DMD: variants seen among roughly 807,000 people sequenced by gnomAD.
DMD encodes dystrophin.
DMD carries 63 observed loss-of-function variants against 330.1 expected under a neutral mutation model. That is an observed-to-expected ratio of 0.19 (90% CI 0.16 to 0.24). DMD has a LOEUF of 0.24. DMD is among the 10% of genes least tolerant of loss of function. The pLI is 1.00. For missense variants in DMD, 3,344 were observed against 2,684.1 expected, an observed-to-expected ratio of 1.25 and a Z score of -5.43; for synonymous variants, 1,223 against 959.8, an observed-to-expected ratio of 1.27 and a Z score of -5.07.
chrX:32,064,760 C>A (rs769952625), intron 44 of DMD, among the ~76,000 whole-genome samples: 2 of 111,242 alleles, frequency 1.8e-5, no homozygotes, highest in South Asian at 7.4e-4. Flanking sequence ...AGTTTTCTAC[C>A]CAAATTTTCC....
intron 47 of DMD, among the ~76,000 whole-genome samples, chrX:31,928,098 G>A (rs2094804209): frequency 8.9e-6 from 1 of 112,027 alleles, no homozygotes; most frequent in African/African-American, 3.2e-5. Context: ...ATGAAGTTCT[G>A]ACACATGCTA....
At chrX:32,695,591 G>A (rs1369474653) in intron 9 of DMD, among the ~76,000 whole-genome samples, 1 of 111,063 alleles carries the variant, frequency 9.0e-6, no homozygotes, top group African/African-American at 3.3e-5. Flanking sequence ...TTCACTTGGA[G>A]ACATACTAGG....
At chrX:33,281,081 A>G (rs2053323160) in intron 1 of DMD, among the ~76,000 whole-genome samples, 2 of 112,024 alleles carry the variant, frequency 1.8e-5, no homozygotes. Flanking sequence ...ATGTATCTCC[A>G]TATATTTAGG....
intron 25 of DMD, among the ~76,000 whole-genome samples, chrX:32,458,973 C>G (rs2148386149): frequency 9.0e-6 from 1 of 110,697 alleles, no homozygotes; most frequent in African/African-American, 3.3e-5. Context: ...ACTCACAGAA[C>G]TAGAGAGTAG....
intron 17 of DMD, among the ~76,000 whole-genome samples, chrX:32,537,980 C>T (rs934998517): frequency 8.9e-6 from 1 of 112,446 alleles, no homozygotes; most frequent in African/African-American, 3.2e-5. Context: ...TTGAATTGAG[C>T]ATCTACTACA....
At chrX:33,074,116 C>T (rs1306989205) in intron 1 of DMD, among the ~76,000 whole-genome samples, 1 of 111,298 alleles carries the variant, frequency 9.0e-6, no homozygotes, top group African/African-American at 3.3e-5. Flanking sequence ...GACAATCACT[C>T]AGTCTTGGCC....
At chrX:33,058,311 G>A (rs1307596773) in intron 1 of DMD, among the ~76,000 whole-genome samples, 2 of 110,845 alleles carry the variant, frequency 1.8e-5, no homozygotes, top group East Asian at 5.7e-4. Flanking sequence ...TTTTGAGACA[G>A]GGTCTGACTC....
At chrX:31,421,688 G>A (rs1469272609) in intron 60 of DMD, among the ~76,000 whole-genome samples, 1 of 109,902 alleles carries the variant, frequency 9.1e-6, no homozygotes, top group Non-Finnish European at 1.9e-5. Flanking sequence ...TCCACAAAGA[G>A]AAAAACAAGG....
At chrX:32,672,666 G>C (rs1387277529) in intron 9 of DMD, among the ~76,000 whole-genome samples, 1 of 110,346 alleles carries the variant, frequency 9.1e-6, no homozygotes, top group African/African-American at 3.3e-5. Flanking sequence ...GACTTAACAT[G>C]TTCCAACCAG....
intron 44 of DMD, among the ~76,000 whole-genome samples, chrX:32,099,779 T>A (rs1338383017): frequency 9.8e-6 from 1 of 101,714 alleles, no homozygotes; most frequent in Non-Finnish European, 2.0e-5. Flanking sequence ...CATTAGGAGA[T>A]ATACCTAATG....
intron 1 of DMD, among the ~76,000 whole-genome samples, chrX:33,062,379 A>G (rs1206992875): frequency 8.9e-6 from 1 of 112,168 alleles, no homozygotes; most frequent in Non-Finnish European, 1.9e-5. Flanking sequence ...CACTTTGTGC[A>G]TTTAACTCTC....
chrX:33,109,691 G>A (rs961270646), intron 1 of DMD, among the ~76,000 whole-genome samples: 1 of 111,956 alleles, frequency 8.9e-6, no homozygotes, highest in Non-Finnish European at 1.9e-5. Context: ...AAACAACGAC[G>A]AAGTGGGGAG....
rs938876984 is a variant in DMD at position 32,432,932 on chromosome X, A to G, written c.4071+5309T>C. Among the ~76,000 whole-genome samples, 7 of 111,971 alleles carry G rather than the reference A, an allele frequency of 6.3e-5. No individual in the cohort carries two copies. The Admixed American group carries it at 6.6e-4, about 11-fold the overall frequency. ...GTTACTATTACAGAAGAATTAACCA[A>G]TTTAGATTTTGTCCCTTTCAGTAAA... On this transcript the variant is annotated intron_variant, in intron 29 of 78. Transcript: ENST00000357033.
chrX:31,525,367 G>A (rs2147402286), intron 55 of DMD, among the ~76,000 whole-genome samples: 1 of 111,861 alleles, frequency 8.9e-6, no homozygotes, highest in African/African-American at 3.2e-5. Context: ...ACAGCAGAGA[G>A]TTCCACTAAT....
At chrX:32,860,754 T>C (rs6527234) in intron 2 of DMD, among the ~76,000 whole-genome samples, 34,225 of 109,929 alleles carry the variant, frequency 0.31, 4,537 homozygotes, top group African/African-American at 0.49. Flanking sequence ...AAACAGAATA[T>C]GATCAACACC....
At chrX:32,237,211 TTTTATG>T (rs1224019942) in intron 43 of DMD, among the ~76,000 whole-genome samples, 4 of 111,775 alleles carry the variant, frequency 3.6e-5, no homozygotes, top group Non-Finnish European at 7.5e-5. Flanking sequence ...AATTTACCAT[TTTTATG>T]TTTATGTACA....
intron 4 of DMD, among the ~76,000 whole-genome samples, chrX:32,831,649 CGT>C (rs6151283): frequency 0.067 from 6,017 of 89,494 alleles, 212 homozygotes; most frequent in South Asian, 0.094. Context: ...AAGATATTTA[CGT>C]GTGTGTGTGT....
At chrX:31,714,672 T>C (rs1439846471) in intron 52 of DMD, among the ~76,000 whole-genome samples, 1 of 112,211 alleles carries the variant, frequency 8.9e-6, no homozygotes, top group Non-Finnish European at 1.9e-5. Context: ...GTCAAAAACA[T>C]ATTTAAAGTT....
intron 54 of DMD, among the ~76,000 whole-genome samples, chrX:31,641,748 C>G (rs1423176272): frequency 9.0e-6 from 1 of 111,570 alleles, no homozygotes; most frequent in East Asian, 2.8e-4. Flanking sequence ...AGTACAGTTA[C>G]ATACATTTGG....
Sources: allele counts gnomAD v4.1 joint callset (sites outside exome capture counted in the v4.1 genomes callset), GRCh38; gene constraint gnomAD v4.1.1; transcripts MANE v1.5; gene names NCBI Gene and HGNC (gene_info 2026-07-23, HGNC 2026-07-21).